RANBP2: variants seen among roughly 807,000 people sequenced by gnomAD.
RANBP2 encodes RAN binding protein 2.
RANBP2 carries 57 observed loss-of-function variants against 303.6 expected under a neutral mutation model. The ratio of observed to expected loss-of-function variants is 0.19; its 90% CI spans 0.15 to 0.23. The LOEUF (loss-of-function observed/expected upper bound fraction) is 0.23, where lower values mean the gene tolerates loss of function less well. RANBP2 is among the 10% of genes least tolerant of loss of function. The probability of loss-of-function intolerance (pLI) is 1.00; values close to 1 mark genes in which losing one functional copy is unlikely to be tolerated. For synonymous variants in RANBP2, 1,167 were observed against 1,301.5 expected, an observed-to-expected ratio of 0.90 and a Z score of 2.23; for missense variants, 3,138 against 3,780.8, an observed-to-expected ratio of 0.83 and a Z score of 4.46.
At chr2:108,909,841 C>T in the RANBP2 span, among the ~76,000 whole-genome samples, 1 of 152,240 alleles carries the variant, frequency 6.6e-6, no homozygotes, top group South Asian at 2.1e-4. Context: ...CTCTTTACAC[C>T]ATGTGGCTCC....
At chr2:109,671,155 C>A in the RANBP2 span, among the ~76,000 whole-genome samples, 4 of 152,148 alleles carry the variant, frequency 2.6e-5, no homozygotes, top group African/African-American at 4.8e-5. Context: ...TGCTTCCTAC[C>A]AGGAGAAGGA....
the RANBP2 span, among the ~76,000 whole-genome samples, chr2:108,870,638 A>G: frequency 6.6e-6 from 1 of 152,254 alleles, no homozygotes; most frequent in East Asian, 1.9e-4. Context: ...ACGGTAGACT[A>G]TTATTCAGTC....
the RANBP2 span, among the ~76,000 whole-genome samples, chr2:108,911,834 C>T: frequency 0.81 from 123,857 of 152,186 alleles, 50,607 homozygotes; most frequent in East Asian, 0.92. Flanking sequence ...CTGAGAACCC[C>T]GCATGTGGGC....
chr2:109,248,530 G>A, the RANBP2 span, among the ~76,000 whole-genome samples: 3 of 152,218 alleles, frequency 2.0e-5, no homozygotes, highest in African/African-American at 7.2e-5. Flanking sequence ...TTAAATGGAT[G>A]TTACTACCCT....
At chr2:109,689,304 C>T in the RANBP2 span, among the ~76,000 whole-genome samples, 3 of 152,108 alleles carry the variant, frequency 2.0e-5, no homozygotes, top group Non-Finnish European at 4.4e-5. Context: ...TGGAAAGACC[C>T]ACAACAGCAT....
the RANBP2 span, among the ~76,000 whole-genome samples, chr2:109,636,963 G>A: frequency 6.6e-6 from 1 of 152,092 alleles, no homozygotes. Context: ...GGGGACCAGC[G>A]CTCAGCATAC....
the RANBP2 span, among the ~76,000 whole-genome samples, chr2:109,201,151 GTCTTCCT>G: frequency 6.6e-6 from 1 of 152,204 alleles, no homozygotes; most frequent in South Asian, 2.1e-4. Context: ...GGCTTCACAC[GTCTTCCT>G]TCCGGCGGCC....
At chr2:109,275,694 A>G in the RANBP2 span, among the ~76,000 whole-genome samples, 1 of 152,152 alleles carries the variant, frequency 6.6e-6, no homozygotes, top group Admixed American at 6.5e-5. Context: ...GCGTCCTTTT[A>G]AAAGGTTCAT....
At chr2:109,207,129 A>G in the RANBP2 span, among the ~76,000 whole-genome samples, 1 of 152,188 alleles carries the variant, frequency 6.6e-6, no homozygotes, top group Non-Finnish European at 1.5e-5. Flanking sequence ...GCTGTAGAGG[A>G]TGATAAACTG....
At chr2:109,309,341 C>T in the RANBP2 span, among the ~76,000 whole-genome samples, 1 of 150,354 alleles carries the variant, frequency 6.7e-6, no homozygotes, top group Non-Finnish European at 1.5e-5. Flanking sequence ...CAAAAGAGCT[C>T]CTGAAGGAAG....
At chr2:108,889,010 ATTTC>A in the RANBP2 span, among the ~76,000 whole-genome samples, 1 of 150,338 alleles carries the variant, frequency 6.7e-6, no homozygotes, top group Non-Finnish European at 1.5e-5. Context: ...CTTCATTTTT[ATTTC>A]TTTCAGTTTT....
the RANBP2 span, among the ~76,000 whole-genome samples, chr2:109,048,555 A>G: frequency 6.6e-6 from 1 of 152,220 alleles, no homozygotes; most frequent in African/African-American, 2.4e-5. Context: ...ATTGAATTGC[A>G]GGGAGTGCAC....
chr2:108,863,404 G>A, the RANBP2 span, among the ~76,000 whole-genome samples: 47 of 152,288 alleles, frequency 3.1e-4, no homozygotes, highest in African/African-American at 1.1e-3. Flanking sequence ...CAAAGGGTGT[G>A]CTGTACTTTA....
At chr2:109,056,414 C>T in the RANBP2 span, among the ~76,000 whole-genome samples, 12 of 152,194 alleles carry the variant, frequency 7.9e-5, no homozygotes, top group South Asian at 2.1e-4. Context: ...AGTGTTCCTC[C>T]CGTCTCGGCC....
chr2:109,602,935 G>C, the RANBP2 span, among the ~76,000 whole-genome samples: 1 of 150,060 alleles, frequency 6.7e-6, no homozygotes, highest in Non-Finnish European at 1.5e-5. Context: ...GCCAGGCACA[G>C]TGGTGTGTAC....
At chr2:108,959,083 T>A in the RANBP2 span, among the ~76,000 whole-genome samples, 1 of 152,216 alleles carries the variant, frequency 6.6e-6, no homozygotes, top group Non-Finnish European at 1.5e-5. Context: ...AAAACGTGTA[T>A]CAACACCAGT....
the RANBP2 span, chr2:108,813,074 C>T: frequency 3.5e-6 from 2 of 566,320 alleles, no homozygotes; most frequent in Admixed American, 3.3e-5. Flanking sequence ...ATGGTGAAAC[C>T]CCGTTTCTAC....
At chr2:109,536,618 ATGAGT>A in the RANBP2 span, among the ~76,000 whole-genome samples, 6 of 152,262 alleles carry the variant, frequency 3.9e-5, no homozygotes, top group Non-Finnish European at 5.9e-5. Flanking sequence ...TAATGCTGAA[ATGAGT>A]TAAGACTTTG....
the RANBP2 span, among the ~76,000 whole-genome samples, chr2:109,441,723 T>A: frequency 6.6e-6 from 1 of 151,948 alleles, no homozygotes; most frequent in Non-Finnish European, 1.5e-5. Context: ...ACAAGAAACA[T>A]GAAGAAAACT....
Sources: allele counts gnomAD v4.1 joint callset (sites outside exome capture counted in the v4.1 genomes callset), GRCh38; gene constraint gnomAD v4.1.1; transcripts MANE v1.5; gene names NCBI Gene and HGNC (gene_info 2026-07-23, HGNC 2026-07-21).